The following NTNG2 variants were observed in gnomAD, a reference collection of about 807,000 sequenced individuals.
NTNG2 encodes the protein netrin-G2.
In NTNG2, 15 loss-of-function variants were observed where a neutral mutation model predicts 47.6. The observed-to-expected ratio is 0.32, with a 90% CI of 0.21 to 0.49. The LOEUF is 0.49. NTNG2 is among the 20% of genes least tolerant of loss of function. NTNG2 has a pLI of 0.99. For missense variants in NTNG2, 578 were observed against 764.6 expected, an observed-to-expected ratio of 0.76 and a Z score of 2.88; for synonymous variants, 307 against 324.6, an observed-to-expected ratio of 0.95 and a Z score of 0.58.
intron 3 of NTNG2, among the ~76,000 whole-genome samples, chr9:132,217,610 C>A (rs1840077059): frequency 6.6e-6 from 1 of 152,188 alleles, no homozygotes; most frequent in African/African-American, 2.4e-5. Flanking sequence ...TCTGAGGATC[C>A]CTGGCTCTAG....
At chr9:132,201,784 G>T (rs1027138081) in intron 3 of NTNG2, among the ~76,000 whole-genome samples, 1 of 152,168 alleles carries the variant, frequency 6.6e-6, no homozygotes, top group African/African-American at 2.4e-5. Flanking sequence ...ATCAATAGCC[G>T]TTTAATTCCC....
At chr9:132,175,112 A>G (rs1345826282) in intron 2 of NTNG2, among the ~76,000 whole-genome samples, 1 of 151,944 alleles carries the variant, frequency 6.6e-6, no homozygotes, top group Non-Finnish European at 1.5e-5. Flanking sequence ...GCAGAGACGC[A>G]GGGAAGGGGG....
At position 132,197,753 on chromosome 9, in the gene NTNG2, A is replaced by AT. The variant is rs1294446443; in HGVS notation, c.214-207dup. 6.6e-6 allele frequency among the ~76,000 whole-genome samples: 1 copy of AT among 152,016 alleles called. No homozygotes were observed. Among genetic ancestry groups the AT allele is most frequent in the East Asian group, 1.9e-4 (1 of 5,190 alleles). On this transcript the variant is annotated intron_variant, in intron 2 of 7. Coordinates refer to ENST00000393229, the MANE Select transcript of NTNG2 (RefSeq NM_032536.4). This position sits in a 1 kb window ranked among gnomAD's most constrained non-coding sequence, Gnocchi z 4.3. The stretch of plus-strand genomic sequence containing the variant: ...GTATTTAGAGCAAGGACAAGTATGC[A>AT]TTTTTTCTTTGGAAGCCATGGGATT...
chr9:132,168,361 C>CA (rs1268702692), intron 2 of NTNG2, among the ~76,000 whole-genome samples: 2 of 152,196 alleles, frequency 1.3e-5, no homozygotes, highest in African/African-American at 4.8e-5. Context: ...GAGGAGCCTC[C>CA]AGGTCTCTGG....
chr9:132,182,705 T>C lies in NTNG2; in HGVS notation c.214-15261T>C, dbSNP rs1400994918. Among the ~76,000 whole-genome samples the C allele has an allele frequency of 1.3e-5, 2 of 152,104 alleles. No individual in the cohort carries two copies. The highest frequency in any genetic ancestry group is 3.9e-4 in the East Asian group (2 of 5,170). ...CCAGCAGGAAAGGGAGGTTTCAGGT[T>C]TTGTGGCTCTTTTCCATCTCCCAAC... On this transcript the variant is annotated intron_variant, in intron 2 of 7. Transcript: ENST00000393229. The surrounding 1 kb of genome is among the most constrained non-coding windows in gnomAD (Gnocchi z 4.2).
chr9:132,219,552 G>A (rs1840214819), intron 3 of NTNG2, among the ~76,000 whole-genome samples: 3 of 139,984 alleles, frequency 2.1e-5, no homozygotes, highest in African/African-American at 8.4e-5. Flanking sequence ...CAGCCTGGGT[G>A]ACAGAGCAAG....
At chr9:132,241,407 G>T in intron 7 of NTNG2, 1 of 366,738 alleles carries the variant, frequency 2.7e-6, no homozygotes, top group East Asian at 6.0e-5. Context: ...GGGCCGAGGG[G>T]CGGGTCCAAG....
chr9:132,183,781 C>T (rs1330388162), intron 2 of NTNG2, among the ~76,000 whole-genome samples: 1 of 152,178 alleles, frequency 6.6e-6, no homozygotes, highest in Non-Finnish European at 1.5e-5. Context: ...ACCACCTGGA[C>T]CAGCCTCTCA....
intron 6 of NTNG2, among the ~76,000 whole-genome samples, chr9:132,240,263 A>C (rs1841894989): frequency 6.6e-6 from 1 of 152,258 alleles, no homozygotes; most frequent in African/African-American, 2.4e-5. Context: ...CGCTGACGTC[A>C]CAGGGGGCCA....
chr9:132,224,260 C>T (rs1840564558), intron 3 of NTNG2, among the ~76,000 whole-genome samples: 1 of 152,128 alleles, frequency 6.6e-6, no homozygotes, highest in African/African-American at 2.4e-5. Context: ...ACAGTTTCCC[C>T]TATTTTGGAG....
Position 132,241,210 on chromosome 9 carries a change from C to T in NTNG2, c.1357+166C>T, listed in dbSNP as rs576187039. Among the ~76,000 whole-genome samples the T allele has an allele frequency of 3.1e-4, 24 of 76,288 alleles. No individual in the cohort carries two copies. The South Asian group carries it at 8.4e-3, about 27-fold the overall frequency. The allele number at this position is 76,288 out of a possible 152,430, so 50.0% of individuals were successfully genotyped here. A position where few individuals can be genotyped will look rare whatever the true frequency, so the allele number is the denominator to read the frequency against. On this transcript the variant is annotated intron_variant, in intron 7 of 7. Transcript: ENST00000393229. Reference sequence around the variant, plus strand: ...GGGGCCTAGTGGGACGGGGAAGAGGCGGTGGGCGGGGCCTCGCGAGACGGG... The same window carrying T: ...GGGGCCTAGTGGGACGGGGAAGAGGTGGTGGGCGGGGCCTCGCGAGACGGG...
intron 3 of NTNG2, among the ~76,000 whole-genome samples, chr9:132,209,681 C>T (rs1242981195): frequency 1.3e-5 from 2 of 152,018 alleles, no homozygotes; most frequent in African/African-American, 4.8e-5. Flanking sequence ...TGAAGGCCGT[C>T]GTGGGGTGGT....
chr9:132,183,116 C>A (rs1219565098), intron 2 of NTNG2, among the ~76,000 whole-genome samples: 2 of 152,172 alleles, frequency 1.3e-5, no homozygotes, highest in Non-Finnish European at 2.9e-5. Flanking sequence ...TCTCTCAGAG[C>A]CTCTCTCACA....
chr9:132,172,727 T>TTC (rs1490923174), intron 2 of NTNG2, among the ~76,000 whole-genome samples: 1 of 143,414 alleles, frequency 7.0e-6, no homozygotes, highest in African/African-American at 2.6e-5. Flanking sequence ...GCTGTATTTT[T>TTC]TTTTTTTTTT....
intron 3 of NTNG2, among the ~76,000 whole-genome samples, chr9:132,212,049 A>C (rs1295331255): frequency 2.6e-5 from 4 of 152,216 alleles, no homozygotes; most frequent in Admixed American, 6.5e-5. Flanking sequence ...GCTAGGAGGC[A>C]GAGAGGCAGG....
intron 2 of NTNG2, among the ~76,000 whole-genome samples, chr9:132,185,108 C>T (rs1042728191): frequency 3.3e-5 from 5 of 152,092 alleles, no homozygotes; most frequent in Admixed American, 1.3e-4. Context: ...TCGGTGGAGG[C>T]CCCAACCAAG....
At chr9:132,181,312 G>A (rs189199308) in intron 2 of NTNG2, among the ~76,000 whole-genome samples, 157 of 148,672 alleles carry the variant, frequency 1.1e-3, no homozygotes, top group Middle Eastern at 3.7e-3. Flanking sequence ...TAAACTCCTG[G>A]GCTCACTTTC....
chr9:132,217,605 G>A lies in NTNG2; in HGVS notation c.858-9244G>A, dbSNP rs113722258. Reference sequence around the variant, plus strand: ...TAACTTCACTTGTTGAAAGCTCTGAGGATCCCTGGCTCTAGGAGCTCCTGA... The same window carrying A: ...TAACTTCACTTGTTGAAAGCTCTGAAGATCCCTGGCTCTAGGAGCTCCTGA... On this transcript the variant is annotated intron_variant, in intron 3 of 7. Transcript: ENST00000393229. 2.4e-3 allele frequency among the ~76,000 whole-genome samples: 366 copies of A among 152,326 alleles called. 8 individuals carry two copies. The highest frequency in any genetic ancestry group is 8.4e-3 in the African/African-American group (348 of 41,564).
rs1318490414 is a variant in NTNG2 at position 132,180,332 on chromosome 9, C to T, written c.213+13288C>T. Among the ~76,000 whole-genome samples the T allele has an allele frequency of 1.3e-5, 2 of 152,258 alleles. No individual in the cohort carries two copies. The highest frequency in any genetic ancestry group is 4.8e-5 in the African/African-American group (2 of 41,474). ...AAGGCAGGCCATCCTCTGCTGCCAG[C>T]CTGCAACAGGGCAGTGTCCTTCTGG... On this transcript the variant is annotated intron_variant, in intron 2 of 7. Transcript: ENST00000393229. The surrounding 1 kb of genome is among the most constrained non-coding windows in gnomAD (Gnocchi z 4.2).
Sources: gnomAD v4.1 joint callset for allele counts (sites outside exome capture counted in the v4.1 genomes callset) on GRCh38, gnomAD v4.1.1 for gene constraint, Gnocchi (gnomAD v3.1) non-coding constraint, MANE v1.5 for transcripts, NCBI Gene and HGNC (gene_info 2026-07-23, HGNC 2026-07-21) for gene names.